The following CLHC1 variants were observed in gnomAD, a reference collection of about 807,000 sequenced individuals.
The protein encoded by CLHC1 is clathrin heavy chain linker domain containing 1, also known as clathrin heavy chain linker domain-containing protein 1.
CLHC1 carries 72 observed loss-of-function variants against 69.5 expected under a neutral mutation model. The ratio of observed to expected loss-of-function variants is 1.04; its 90% CI spans 0.86 to 1.26. The LOEUF (loss-of-function observed/expected upper bound fraction) is 1.26, where lower values mean the gene tolerates loss of function less well. Among genes scored for constraint, CLHC1 ranks in the 50% most tolerant of loss-of-function variants. CLHC1 has a pLI of 0.00. For missense variants in CLHC1, 790 were observed against 679.3 expected (o/e 1.16, Z -1.81); for synonymous variants, 223 against 224.3 (o/e 0.99, Z 0.05).
chr2:55,191,896 A>G (rs1240962009), intron 9 of CLHC1, among the ~76,000 whole-genome samples: 2 of 152,124 alleles, frequency 1.3e-5, no homozygotes, highest in South Asian at 4.1e-4. Context: ...CAGTTACTCT[A>G]GAGGCTGAGG....
chr2:55,228,731 T>C (rs1561231), intron 1 of CLHC1, among the ~76,000 whole-genome samples: 148,777 of 152,344 alleles, frequency 0.98, 72,686 homozygotes, highest in African/African-American at 0.99. Flanking sequence ...CATTTATTTA[T>C]TCAATATTTG....
chr2:55,231,116 G>T (rs574157687), intron 1 of CLHC1, among the ~76,000 whole-genome samples: 9 of 152,186 alleles, frequency 5.9e-5, no homozygotes, highest in Admixed American at 2.0e-4. Context: ...CGGGTGTGGT[G>T]GTGGGCGCCT....
Position 55,217,831 on chromosome 2 carries a change from TC to T in CLHC1, c.344del (p.Arg115LysfsTer9). On this transcript the variant is annotated frameshift_variant, in exon 4 of 13. Coordinates refer to ENST00000401408, the MANE Select transcript of CLHC1 (RefSeq NM_152385.4). LOFTEE classifies it high-confidence loss of function. ...EPTALVYYRK[R>X]TIQLEAKMRI... ...CTTACTTTGCTTCAAGTTGGATTGT[TC>T]TTTTCCTGTAATATACCAAAGCTGT... is the stretch of plus-strand genomic sequence containing the variant. 6.4e-7 allele frequency: 1 copy of T among 1,558,962 alleles called. No homozygotes were observed. Among genetic ancestry groups the T allele is most frequent in the Non-Finnish European group, 8.6e-7 (1 of 1,158,188 alleles).
Position 55,173,482 on chromosome 2 carries a change from T to G in CLHC1, c.*2308A>C, listed in dbSNP as rs1669128443. 2.0e-5 allele frequency among the ~76,000 whole-genome samples: 3 copies of G among 152,198 alleles called. No homozygotes were observed. Among genetic ancestry groups the G allele is most frequent in the Admixed American group, 2.0e-4 (3 of 15,262 alleles). On this transcript the variant is annotated 3_prime_UTR_variant, in exon 13 of 13. Coordinates refer to ENST00000401408, the MANE Select transcript of CLHC1 (RefSeq NM_152385.4). ...GAAATAATTTGTACCTTTTCAGAAT[T>G]ACTGAATTTTAGAGTTGGAAATGAC...
chr2:55,184,735 T>C (rs1670258139), intron 9 of CLHC1, among the ~76,000 whole-genome samples: 1 of 151,672 alleles, frequency 6.6e-6, no homozygotes, highest in Admixed American at 6.6e-5. Flanking sequence ...TGAAACCCTG[T>C]CTCTACTAAA....
At chr2:55,189,152 T>G (rs1419652321) in intron 9 of CLHC1, among the ~76,000 whole-genome samples, 3 of 151,622 alleles carry the variant, frequency 2.0e-5, no homozygotes, top group Non-Finnish European at 4.4e-5. Flanking sequence ...GAATAACAAC[T>G]AAAACAATAA....
chr2:55,222,918 C>CAAAAAAAAAAAAAAA (rs59113625), intron 2 of CLHC1, among the ~76,000 whole-genome samples: 1 of 68,568 alleles, frequency 1.5e-5, no homozygotes, highest in African/African-American at 5.6e-5. Flanking sequence ...GAAACTGTCT[C>CAAAAAAAAAAAAAAA]AAAAAAAAAA....
In CLHC1 at chr2:55,209,640, AT is replaced by A; in HGVS notation, c.690del (p.Lys230AsnfsTer11). 1 of 1,613,942 alleles carries A rather than the reference AT, an allele frequency of 6.2e-7. No individual in the cohort carries two copies. The highest frequency in any genetic ancestry group is 8.5e-7 in the Non-Finnish European group (1 of 1,179,898). ...AATCAACTTCCATACCAAAACTGCAATTTTTTGTTCAGATTTTCAGCTACAT... is the reference window on the plus strand; with the variant it reads ...AATCAACTTCCATACCAAAACTGCAATTTTTGTTCAGATTTTCAGCTACAT... Reference protein sequence around the residue: ...RRDVAENLNKKLQFCHQRLQI... With the variant: ...RRDVAENLNKXLQFCHQRLQI... On this transcript the variant is annotated frameshift_variant, in exon 6 of 13. Transcript: ENST00000401408. LOFTEE classifies it high-confidence loss of function.
chr2:55,172,747 T>C lies in CLHC1; in HGVS notation c.*3043A>G, dbSNP rs1198313056. On this transcript the variant is annotated 3_prime_UTR_variant, in exon 13 of 13. Coordinates refer to ENST00000401408, the MANE Select transcript of CLHC1 (RefSeq NM_152385.4). The stretch of plus-strand genomic sequence containing the variant: ...CTGCTATGATTTTTGACTTAACATA[T>C]GCTTTAGCAATCCAACAGAATTCCA... 1.3e-5 allele frequency among the ~76,000 whole-genome samples: 2 copies of C among 150,874 alleles called. No individual in the cohort carries two copies. Among genetic ancestry groups the C allele is most frequent in the Non-Finnish European group, 3.0e-5 (2 of 67,784 alleles).
chr2:55,184,485 A>G (rs1358234361), intron 9 of CLHC1, among the ~76,000 whole-genome samples: 1 of 152,220 alleles, frequency 6.6e-6, no homozygotes, highest in Non-Finnish European at 1.5e-5. Context: ...GCAAGTGTAT[A>G]GTAAAGATAA....
intron 9 of CLHC1, among the ~76,000 whole-genome samples, chr2:55,199,461 C>CT (rs1671736875): frequency 6.6e-6 from 1 of 152,048 alleles, no homozygotes; most frequent in African/African-American, 2.4e-5. Flanking sequence ...GTGTAAATTA[C>CT]TCATATCTTA....
chr2:55,210,141 T>C (rs1393949205), intron 5 of CLHC1, among the ~76,000 whole-genome samples: 3 of 152,176 alleles, frequency 2.0e-5, no homozygotes, highest in Non-Finnish European at 2.9e-5. Context: ...ATTACAGGCG[T>C]GAGCCACTGT....
chr2:55,207,326 A>C (rs1672548965), intron 8 of CLHC1, among the ~76,000 whole-genome samples: 1 of 152,188 alleles, frequency 6.6e-6, no homozygotes, highest in African/African-American at 2.4e-5. Flanking sequence ...AACTATGATA[A>C]ACAGAAGTTA....
chr2:55,203,596 C>A (rs1672166161), intron 9 of CLHC1, among the ~76,000 whole-genome samples: 1 of 152,096 alleles, frequency 6.6e-6, no homozygotes, highest in Non-Finnish European at 1.5e-5. Flanking sequence ...GCTGGGAAAA[C>A]TGGATATCCA....
intron 12 of CLHC1, among the ~76,000 whole-genome samples, chr2:55,176,634 T>C (rs1669413700): frequency 6.6e-6 from 1 of 152,160 alleles, no homozygotes. Context: ...TTCTTATCTA[T>C]TACCTGCATT....
intron 9 of CLHC1, among the ~76,000 whole-genome samples, chr2:55,192,270 C>T (rs763089246): frequency 2.6e-5 from 4 of 152,068 alleles, no homozygotes; most frequent in Non-Finnish European, 4.4e-5. Context: ...CAGGCACTCA[C>T]CACCATGCCC....
At position 55,206,314 on chromosome 2, in the gene CLHC1, G is replaced by C; in HGVS notation, c.962C>G (p.Pro321Arg). 1.2e-6 allele frequency: 2 copies of C among 1,611,424 alleles called. No homozygotes were observed. Residue 321 changes from proline (P) to arginine (R), a missense_variant, in exon 9 of 13, where the codon CCT becomes CGT. Pro to Arg is a moderately radical substitution (Grantham distance 103). Coordinates refer to ENST00000401408, the MANE Select transcript of CLHC1 (RefSeq NM_152385.4). ...EKAACYAANSPRRILRNIGTM... is the reference protein window; with the variant it reads ...EKAACYAANSRRRILRNIGTM... ...ACCAATGTTTCGAAGAATTCTTCTAGGACTGTTTGCTGCATAACAAGCTGC... is the reference window on the plus strand; with the variant it reads ...ACCAATGTTTCGAAGAATTCTTCTACGACTGTTTGCTGCATAACAAGCTGC...
At chr2:55,192,789 G>T (rs1671051282) in intron 9 of CLHC1, among the ~76,000 whole-genome samples, 1 of 151,912 alleles carries the variant, frequency 6.6e-6, no homozygotes, top group Non-Finnish European at 1.5e-5. Context: ...GAATGAAACT[G>T]GACCCCTACC....
intron 3 of CLHC1, among the ~76,000 whole-genome samples, chr2:55,221,756 T>C (rs1021934338): frequency 1.3e-5 from 2 of 152,142 alleles, no homozygotes; most frequent in African/African-American, 4.8e-5. Flanking sequence ...GATAGGAGGA[T>C]TGCTTGAGGC....
Sources: gnomAD v4.1 joint callset for allele counts (sites outside exome capture counted in the v4.1 genomes callset) on GRCh38, gnomAD v4.1.1 for gene constraint, MANE v1.5 for transcripts, NCBI Gene and HGNC (gene_info 2026-07-23, HGNC 2026-07-21) for gene names.